Variants in SOX5 observed in about 807,000 individuals in gnomAD.
SOX5 encodes the protein SRY-box transcription factor 5.
Under a neutral mutation model 92.0 loss-of-function variants are expected in SOX5, and 9 were observed. The ratio of observed to expected loss-of-function variants is 0.10; its 90% CI spans 0.06 to 0.17. The LOEUF (loss-of-function observed/expected upper bound fraction) is 0.17. Among genes scored for constraint, SOX5 ranks in the 10% least tolerant of loss-of-function variants. The probability of loss-of-function intolerance (pLI) is 1.00; values close to 1 mark genes in which losing one functional copy is unlikely to be tolerated. For missense variants in SOX5, 642 were observed against 944.5 expected (o/e 0.68, Z 4.20); for synonymous variants, 344 against 336.3 (o/e 1.02, Z -0.25).
chr12:24,178,367 G>T (rs1955073554), intron 4 of SOX5, among the ~76,000 whole-genome samples: 1 of 150,832 alleles, frequency 6.6e-6, no homozygotes, highest in Non-Finnish European at 1.5e-5. Context: ...ACATAGTGAA[G>T]AAGTTCCAGG....
At chr12:24,300,162 C>T (rs1247249849) in intron 2 of SOX5, among the ~76,000 whole-genome samples, 1 of 152,104 alleles carries the variant, frequency 6.6e-6, no homozygotes, top group Non-Finnish European at 1.5e-5. Context: ...CTTTAATAGT[C>T]GACAAAGTTC....
chr12:24,409,907 A>G (rs950668126), intron 1 of SOX5, among the ~76,000 whole-genome samples: 1 of 152,026 alleles, frequency 6.6e-6, no homozygotes, highest in African/African-American at 2.4e-5. Context: ...TTTGTCAGAT[A>G]TATGGTTTGC....
chr12:24,522,002 G>A (rs936185149), intron 1 of SOX5, among the ~76,000 whole-genome samples: 1 of 151,560 alleles, frequency 6.6e-6, no homozygotes, highest in Non-Finnish European at 1.5e-5. Flanking sequence ...CAGCAAAAGA[G>A]CTGATTTTTT....
At chr12:24,534,603 TAAC>T (rs1951475478) in intron 1 of SOX5, among the ~76,000 whole-genome samples, 1 of 152,208 alleles carries the variant, frequency 6.6e-6, no homozygotes, top group South Asian at 2.1e-4. Context: ...AGAGAAAGCA[TAAC>T]ATCTATTATC....
chr12:23,660,777 A>G (rs896870211), intron 7 of SOX5, among the ~76,000 whole-genome samples: 4 of 152,138 alleles, frequency 2.6e-5, no homozygotes, highest in Admixed American at 6.5e-5. Context: ...TGATTAAGGC[A>G]CCATTGATGG....
intron 1 of SOX5, among the ~76,000 whole-genome samples, chr12:24,543,877 C>T (rs1012235792): frequency 2.6e-5 from 4 of 152,098 alleles, no homozygotes; most frequent in Non-Finnish European, 4.4e-5. Flanking sequence ...AAAGATAGCA[C>T]ACTAGCATAA....
At chr12:23,796,105 A>T (rs2095557416) in intron 3 of SOX5, among the ~76,000 whole-genome samples, 1 of 152,134 alleles carries the variant, frequency 6.6e-6, no homozygotes, top group African/African-American at 2.4e-5. Context: ...ACTACAACTC[A>T]GTTATGATGA....
chr12:23,949,708 T>A (rs1945225494), upstream of SOX5: 3 of 1,570,826 alleles, frequency 1.9e-6, no homozygotes, highest in Non-Finnish European at 2.6e-6. Context: ...TTTCTCTCTG[T>A]CTCTTCCCCC....
At position 23,802,305 on chromosome 12, in the gene SOX5, C is replaced by T. The variant is rs148234928; in HGVS notation, c.481+43678G>A. 4.8e-3 allele frequency among the ~76,000 whole-genome samples: 737 copies of T among 152,208 alleles called. 10 individuals carry two copies. The highest frequency in any genetic ancestry group is 0.016 in the African/African-American group (681 of 41,522). ...CCTTGTTAGCCAGGATGGTCTCGAT[C>T]TCCTGACCTCGTGATCAGCCCGTCT... is the stretch of plus-strand genomic sequence containing the variant. On this transcript the variant is annotated intron_variant, in intron 3 of 14. Transcript: ENST00000451604.
intron 4 of SOX5, among the ~76,000 whole-genome samples, chr12:24,084,243 G>A (rs576828993): frequency 6.6e-6 from 1 of 152,174 alleles, no homozygotes; most frequent in East Asian, 1.9e-4. Flanking sequence ...AGTCCAAGGG[G>A]ATAAATTCAG....
intron 1 of SOX5, among the ~76,000 whole-genome samples, chr12:23,902,106 C>A (rs2097240351): frequency 6.6e-6 from 1 of 152,050 alleles, no homozygotes; most frequent in Admixed American, 6.5e-5. Context: ...ACATAGTCAA[C>A]TACTAATAGA....
intron 1 of SOX5, among the ~76,000 whole-genome samples, chr12:24,443,030 C>T (rs1465324741): frequency 3.4e-5 from 5 of 145,654 alleles, no homozygotes; most frequent in African/African-American, 5.1e-5. Flanking sequence ...TGGCTCACTG[C>T]CACCTCCGCC....
intron 1 of SOX5, among the ~76,000 whole-genome samples, chr12:23,907,725 T>C (rs2097308477): frequency 1.3e-5 from 2 of 149,174 alleles, no homozygotes; most frequent in South Asian, 4.3e-4. Context: ...TGGATAACAC[T>C]GGTCAGGTGA....
At chr12:24,110,279 T>G (rs1394096921) in intron 4 of SOX5, among the ~76,000 whole-genome samples, 3 of 152,312 alleles carry the variant, frequency 2.0e-5, no homozygotes, top group East Asian at 3.9e-4. Context: ...CCTAATGAGT[T>G]GCTATCATGT....
intron 10 of SOX5, among the ~76,000 whole-genome samples, chr12:23,571,165 T>C (rs1948313297): frequency 6.7e-6 from 1 of 149,202 alleles, no homozygotes; most frequent in Admixed American, 6.7e-5. Context: ...ATAATAATAA[T>C]AATAATAAAT....
chr12:23,929,274 G>T (rs540750415), intron 1 of SOX5, among the ~76,000 whole-genome samples: 66 of 152,038 alleles, frequency 4.3e-4, no homozygotes, highest in African/African-American at 1.4e-3. Flanking sequence ...TGGAAACAAA[G>T]TTATATATTG....
rs141033790 is a variant in SOX5, at chr12:24,393,180, C to T, written c.-250-24541G>A. ...AATTAGAAGCTGGCAAAAAAACAAACCCACTGCCTGGGGCAGCCTGGGGCT... is the reference window on the plus strand; with the variant it reads ...AATTAGAAGCTGGCAAAAAAACAAATCCACTGCCTGGGGCAGCCTGGGGCT... On this transcript the variant is annotated intron_variant, in intron 1 of 4. Transcript: ENST00000446891. The surrounding 1 kb of genome is among the most constrained non-coding windows in gnomAD (Gnocchi z 5.0). 6.6e-6 allele frequency among the ~76,000 whole-genome samples: 1 copy of T among 152,124 alleles called. No individual in the cohort carries two copies. Among genetic ancestry groups the T allele is most frequent in the Non-Finnish European group, 1.5e-5 (1 of 68,014 alleles).
intron 1 of SOX5, among the ~76,000 whole-genome samples, chr12:24,432,620 T>C (rs1938580208): frequency 6.6e-6 from 1 of 152,104 alleles, no homozygotes; most frequent in Non-Finnish European, 1.5e-5. Flanking sequence ...GAGACCATCC[T>C]GGCCAACATG....
chr12:24,239,786 G>T (rs1221256474), intron 3 of SOX5, among the ~76,000 whole-genome samples: 1 of 152,182 alleles, frequency 6.6e-6, no homozygotes, highest in African/African-American at 2.4e-5. Flanking sequence ...CTTAGAACCA[G>T]TATAGGGTCT....
Sources: allele counts gnomAD v4.1 joint callset (sites outside exome capture counted in the v4.1 genomes callset), GRCh38; gene constraint gnomAD v4.1.1; non-coding constraint Gnocchi (gnomAD v3.1); transcripts MANE v1.5; gene names NCBI Gene and HGNC (gene_info 2026-07-23, HGNC 2026-07-21).